The following TTF2 variants were observed in gnomAD, a reference collection of about 807,000 sequenced individuals.
The protein encoded by TTF2 is RNA polymerase II termination factor.
Under a neutral mutation model 142.4 loss-of-function variants are expected in TTF2, and 108 were observed. That is an observed-to-expected ratio of 0.76 (90% CI 0.65 to 0.89). TTF2 has a LOEUF of 0.89. Ranked by LOEUF, TTF2 falls within the 40% of genes least tolerant of loss-of-function variation. TTF2 has a pLI of 0.00. For missense variants in TTF2, 1,327 were observed against 1,379.8 expected (o/e 0.96, Z 0.61); for synonymous variants, 483 against 506.2 (o/e 0.95, Z 0.61).
In TTF2 at chr1:117,087,494, T is replaced by C. The variant is rs567160931; in HGVS notation, c.2160+972T>C. ...TTTTAGTAGAGATGGGGTTTCGCCATGTTGGCCAGGCTGGTCTCGAATTCC... is the reference window on the plus strand; with the variant it reads ...TTTTAGTAGAGATGGGGTTTCGCCACGTTGGCCAGGCTGGTCTCGAATTCC... On this transcript the variant is annotated intron_variant, in intron 12 of 22. Coordinates refer to ENST00000369466, the MANE Select transcript of TTF2 (RefSeq NM_003594.4). This position sits in a 1 kb window ranked among gnomAD's most constrained non-coding sequence, Gnocchi z 4.8. Among the ~76,000 whole-genome samples, 2 of 152,208 alleles carry C rather than the reference T, an allele frequency of 1.3e-5. No homozygotes were observed. Among genetic ancestry groups the C allele is most frequent in the African/African-American group, 2.4e-5 (1 of 41,460 alleles).
chr1:117,065,160 C>G (rs1467735581), intron 3 of TTF2, among the ~76,000 whole-genome samples: 3 of 152,120 alleles, frequency 2.0e-5, no homozygotes, highest in Non-Finnish European at 1.5e-5. Flanking sequence ...GTTGGCTGCT[C>G]TAGGATCTTT....
At position 117,092,066 on chromosome 1, in the gene TTF2, C is replaced by T. The variant is rs976151839; in HGVS notation, c.2805+116C>T. The T allele has an allele frequency of 1.9e-4, 222 of 1,190,960 alleles. No individual in the cohort carries two copies. Among genetic ancestry groups the T allele is most frequent in the Non-Finnish European group, 2.3e-4 (200 of 888,308 alleles). 73.8% of individuals were successfully genotyped at this position (1,190,960 alleles called of 1,614,324 possible). On this transcript the variant is annotated intron_variant, in intron 17 of 22. Transcript: ENST00000369466. The surrounding 1 kb of genome is among the most constrained non-coding windows in gnomAD (Gnocchi z 4.4). ...TGCTTGATCAAAGGAAATGCTGTTTCGGTTTTTCTATTTTTGTTTTTTGGT... is the reference window on the plus strand; with the variant it reads ...TGCTTGATCAAAGGAAATGCTGTTTTGGTTTTTCTATTTTTGTTTTTTGGT...
rs922053782 is a variant in TTF2 at position 117,104,002 on chromosome 1, C to A, written c.*2478C>A. The A allele has an allele frequency of 1.3e-5, 2 of 150,328 alleles. No individual in the cohort carries two copies. Among genetic ancestry groups the A allele is most frequent in the African/African-American group, 4.9e-5 (2 of 40,912 alleles). 9.3% of individuals were successfully genotyped at this position (150,328 alleles called of 1,614,324 possible). A position where few individuals can be genotyped will look rare whatever the true frequency, so the allele number is the denominator to read the frequency against. ...GAGAAAAAAATCCTTACTTTCTCTA[C>A]ACTCTGATTTCCTCATTTGTAAGGT... On this transcript the variant is annotated 3_prime_UTR_variant, in exon 23 of 23. Transcript: ENST00000369466.
chr1:117,095,062 G>T (rs1212466406), intron 18 of TTF2, among the ~76,000 whole-genome samples: 1 of 152,202 alleles, frequency 6.6e-6, no homozygotes, highest in Non-Finnish European at 1.5e-5. Context: ...CAAGAATCCG[G>T]CAAGCTGCCT....
At position 117,075,851 on chromosome 1, in the gene TTF2, C is replaced by A; in HGVS notation, c.1267C>A (p.Gln423Lys). The change falls in exon 5 of 23, where the codon CAA becomes AAA. Residue 423 changes from glutamine to lysine, a missense_variant. By Grantham distance (53) the Gln-to-Lys change is moderately conservative. Coordinates refer to ENST00000369466, the MANE Select transcript of TTF2 (RefSeq NM_003594.4). This position sits in a 1 kb window ranked among gnomAD's most constrained non-coding sequence, Gnocchi z 4.5. The stretch of plus-strand genomic sequence containing the variant: ...TGTCTACCTTACAACACAACTGAAA[C>A]AAAAGAAGGTAACTATTGACTCGTG... ...RRVYLTTQLKQKKSTLASVNI... is the reference protein window; with the variant it reads ...RRVYLTTQLKKKKSTLASVNI... 6.2e-7 allele frequency: 1 copy of A among 1,603,386 alleles called. No homozygotes were observed. The highest frequency in any genetic ancestry group is 1.1e-5 in the South Asian group (1 of 89,432).
At position 117,101,269 on chromosome 1, in the gene TTF2, A is replaced by T; in HGVS notation, c.3345-111A>T. 1 of 1,209,764 alleles carries T rather than the reference A, an allele frequency of 8.3e-7. No individual in the cohort carries two copies. The highest frequency in any genetic ancestry group is 1.1e-6 in the Non-Finnish European group (1 of 890,536). 74.9% of individuals were successfully genotyped at this position (1,209,764 alleles called of 1,614,324 possible). On this transcript the variant is annotated intron_variant, in intron 22 of 22. Coordinates refer to ENST00000369466, the MANE Select transcript of TTF2 (RefSeq NM_003594.4). This position sits in a 1 kb window ranked among gnomAD's most constrained non-coding sequence, Gnocchi z 5.9. ...TTCTTAACTGGACCTAAGAAGACTT[A>T]AAGGAAGAAATCTCATTAAAAATGA...
At position 117,090,967 on chromosome 1, in the gene TTF2, C is replaced by T. The variant is rs984285681; in HGVS notation, c.2588+344C>T. ...TTTGACCTGTCATCCAGCATCTCAC[C>T]GGAACTTTAAGAAGATGACTTTGTA... On this transcript the variant is annotated intron_variant, in intron 15 of 22. Transcript: ENST00000369466. The surrounding 1 kb of genome is among the most constrained non-coding windows in gnomAD (Gnocchi z 4.8). Among the ~76,000 whole-genome samples the T allele has an allele frequency of 6.6e-6, 1 of 152,242 alleles. No individual in the cohort carries two copies. Among genetic ancestry groups the T allele is most frequent in the East Asian group, 1.9e-4 (1 of 5,184 alleles).
At position 117,099,614 on chromosome 1, in the gene TTF2, CCT is replaced by C. The variant is rs1468295025; in HGVS notation, c.3344+710_3344+711del. Among the ~76,000 whole-genome samples the C allele has an allele frequency of 6.6e-6, 1 of 152,108 alleles. No homozygotes were observed. Among genetic ancestry groups the C allele is most frequent in the Non-Finnish European group, 1.5e-5 (1 of 68,016 alleles). ...ATGAGCCAGTTATTTTGCAAAATGT[CCT>C]CTGTTTTGGACCCCCTTGTCTTTAA... On this transcript the variant is annotated intron_variant, in intron 22 of 22. Coordinates refer to ENST00000369466, the MANE Select transcript of TTF2 (RefSeq NM_003594.4). This position sits in a 1 kb window ranked among gnomAD's most constrained non-coding sequence, Gnocchi z 4.3.
At chr1:117,078,226 T>C (rs539782795) in intron 8 of TTF2, among the ~76,000 whole-genome samples, 183 bp downstream of exon 8, 1 of 152,228 alleles carries the variant, frequency 6.6e-6, no homozygotes, top group African/African-American at 2.4e-5. Flanking sequence ...ACCCCTTTTT[T>C]AAAAAGTCAT....
intron 10 of TTF2, among the ~76,000 whole-genome samples, chr1:117,082,329 C>CCCAAGT (rs1395084955): frequency 3.9e-5 from 6 of 152,186 alleles, no homozygotes; most frequent in Admixed American, 3.9e-4. Flanking sequence ...CCTCCCACCT[C>CCCAAGT]AGCCTCCCAA....
chr1:117,092,629 T>C lies in TTF2; in HGVS notation c.2806-102T>C, dbSNP rs1648689051. The C allele has an allele frequency of 1.5e-6, 2 of 1,296,658 alleles. No individual in the cohort carries two copies. Among genetic ancestry groups the C allele is most frequent in the African/African-American group, 1.5e-5 (1 of 67,156 alleles). The allele number at this position is 1,296,658 out of a possible 1,614,324, so 80.3% of individuals were successfully genotyped here. A position where few individuals can be genotyped will look rare whatever the true frequency, so the allele number is the denominator to read the frequency against. ...GAGTTACTGATGACAAATTACAAGATATTTTGCTCTGTGAAGTGGTAAACA... is the reference window on the plus strand; with the variant it reads ...GAGTTACTGATGACAAATTACAAGACATTTTGCTCTGTGAAGTGGTAAACA... On this transcript the variant is annotated intron_variant, in intron 17 of 22. Coordinates refer to ENST00000369466, the MANE Select transcript of TTF2 (RefSeq NM_003594.4). This position sits in a 1 kb window ranked among gnomAD's most constrained non-coding sequence, Gnocchi z 4.4.
rs1649651579 is a variant in TTF2 at position 117,102,310 on chromosome 1, GTC to G, written c.*787_*788del. The G allele has an allele frequency of 6.8e-6, 1 of 146,982 alleles. No individual in the cohort carries two copies. Among genetic ancestry groups the G allele is most frequent in the Non-Finnish European group, 1.5e-5 (1 of 66,096 alleles). 9.1% of individuals were successfully genotyped at this position (146,982 alleles called of 1,614,324 possible). On this transcript the variant is annotated 3_prime_UTR_variant, in exon 23 of 23. Transcript: ENST00000369466. ...CATCTTTTTATGGGTGGAGCAGAGAGTCAATCCCTGCAGCCACCCTGCAGCCA... is the reference window on the plus strand; with the variant it reads ...CATCTTTTTATGGGTGGAGCAGAGAGAATCCCTGCAGCCACCCTGCAGCCA...
chr1:117,068,365 C>A (rs943144619), intron 3 of TTF2, among the ~76,000 whole-genome samples: 2 of 151,572 alleles, frequency 1.3e-5, no homozygotes, highest in African/African-American at 4.9e-5. Flanking sequence ...GGACATAGGG[C>A]GTGGAACATC....
Position 117,106,129 on chromosome 1 carries a change from G to C in TTF2, c.*4605G>C, listed in dbSNP as rs1261944892. ...GGAACAATTTAAAAGCACATCTGTAGGCACAAAGAGAATTATAATAGAAAT... is the reference window on the plus strand; with the variant it reads ...GGAACAATTTAAAAGCACATCTGTACGCACAAAGAGAATTATAATAGAAAT... On this transcript the variant is annotated 3_prime_UTR_variant, in exon 23 of 23. Transcript: ENST00000369466. 2 of 152,122 alleles carry C rather than the reference G, an allele frequency of 1.3e-5. No individual in the cohort carries two copies. Among genetic ancestry groups the C allele is most frequent in the Non-Finnish European group, 2.9e-5 (2 of 68,032 alleles). 9.4% of individuals were successfully genotyped at this position (152,122 alleles called of 1,614,324 possible). A position where few individuals can be genotyped will look rare whatever the true frequency, so the allele number is the denominator to read the frequency against.
chr1:117,106,991 C>CT lies in TTF2; in HGVS notation c.*5473dup, dbSNP rs762370213. On this transcript the variant is annotated 3_prime_UTR_variant, in exon 23 of 23. Coordinates refer to ENST00000369466, the MANE Select transcript of TTF2 (RefSeq NM_003594.4). ...AGGACAGAGGCTCTTATTTGTGACT[C>CT]TTTTTTCTTACCTGTAACACCAGAG... 9 of 152,254 alleles carry CT rather than the reference C, an allele frequency of 5.9e-5. 1 individual carries two copies. The highest frequency in any genetic ancestry group is 3.4e-3 in the Middle Eastern group (1 of 294). 9.4% of individuals were successfully genotyped at this position (152,254 alleles called of 1,614,324 possible). A position where few individuals can be genotyped will look rare whatever the true frequency, so the allele number is the denominator to read the frequency against.
At chr1:117,065,545 C>T (rs746088471) in intron 3 of TTF2, among the ~76,000 whole-genome samples, 2 of 151,972 alleles carry the variant, frequency 1.3e-5, no homozygotes, top group Non-Finnish European at 2.9e-5. Flanking sequence ...TACAGTGAGC[C>T]GGGATCGCGC....
In TTF2 at chr1:117,088,976, T is replaced by A; in HGVS notation, c.2336T>A (p.Leu779Gln). The A allele has an allele frequency of 1.9e-6, 3 of 1,606,240 alleles. No homozygotes were observed. Among genetic ancestry groups the A allele is most frequent in the Non-Finnish European group, 2.5e-6 (3 of 1,176,576 alleles). The change falls in exon 13 of 23, where the codon CTG becomes CAG. Residue 779 changes from leucine (L) to glutamine (Q), a missense_variant. By Grantham distance (113) the Leu-to-Gln change is moderately radical. Coordinates refer to ENST00000369466, the MANE Select transcript of TTF2 (RefSeq NM_003594.4). ...AACAACTTATTGGATATGTATTCGC[T>A]GCTGAAGTGAGTAACTTCTCGTGAT... is the stretch of plus-strand genomic sequence containing the variant. ...IQNNLLDMYS[L>Q]LKFLRCSPFD...
rs1258781311 is a variant in TTF2 at position 117,103,369 on chromosome 1, T to TC, written c.*1846dup. 6.6e-6 allele frequency: 1 copy of TC among 152,200 alleles called. No individual in the cohort carries two copies. The highest frequency in any genetic ancestry group is 1.9e-4 in the East Asian group (1 of 5,198). The allele number at this position is 152,200 out of a possible 1,614,324, so 9.4% of individuals were successfully genotyped here. On this transcript the variant is annotated 3_prime_UTR_variant, in exon 23 of 23. Transcript: ENST00000369466. ...CTTCAGGAAACTATTCAGATTTCCTTCTCATTAGCAATTGTTCCAAAAACA... is the reference window on the plus strand; with the variant it reads ...CTTCAGGAAACTATTCAGATTTCCTTCCTCATTAGCAATTGTTCCAAAAACA...
At position 117,082,028 on chromosome 1, in the gene TTF2, G is replaced by C. The variant is rs767920970; in HGVS notation, c.1903+81G>C. ...GAGGGGAACGTCTTCAGCTAAAAAAGGACACCTTTGGTCATATTTAATTAC... is the reference window on the plus strand; with the variant it reads ...GAGGGGAACGTCTTCAGCTAAAAAACGACACCTTTGGTCATATTTAATTAC... On this transcript the variant is annotated intron_variant, in intron 10 of 22. Transcript: ENST00000369466. 8 of 1,596,324 alleles carry C rather than the reference G, an allele frequency of 5.0e-6. No individual in the cohort carries two copies. In the South Asian group the frequency reaches 8.9e-5, roughly 18 times the overall value.
Sources: allele counts gnomAD v4.1 joint callset (sites outside exome capture counted in the v4.1 genomes callset), GRCh38; gene constraint gnomAD v4.1.1; non-coding constraint Gnocchi (gnomAD v3.1); transcripts MANE v1.5; gene names NCBI Gene and HGNC (gene_info 2026-07-23, HGNC 2026-07-21).